HS3ST5: variants seen among roughly 807,000 people sequenced by gnomAD.
HS3ST5 encodes heparan sulfate-glucosamine 3-sulfotransferase 5.
A neutral mutation model predicts 25.4 loss-of-function variants in HS3ST5; 10 were observed. The observed-to-expected ratio is 0.39, with a 90% CI of 0.24 to 0.67. The LOEUF (loss-of-function observed/expected upper bound fraction) is 0.67, where lower values mean the gene tolerates loss of function less well. Among genes scored for constraint, HS3ST5 ranks in the 30% least tolerant of loss-of-function variants. The pLI, the probability that HS3ST5 is intolerant of heterozygous loss-of-function variation, is 0.44. For missense variants in HS3ST5, 324 were observed against 420.7 expected, an observed-to-expected ratio of 0.77 and a Z score of 2.01; for synonymous variants, 170 against 162.4, an observed-to-expected ratio of 1.05 and a Z score of -0.36.
intron 1 of HS3ST5, among the ~76,000 whole-genome samples, chr6:114,300,235 TAGGAGAAAATATTTACA>T (rs1277248820): frequency 1.3e-5 from 2 of 151,920 alleles, no homozygotes; most frequent in Non-Finnish European, 2.9e-5. Context: ...ACCCAGAGAA[TAGGAGAAAATATTTACA>T]AGCCATCTAT....
intron 3 of HS3ST5, among the ~76,000 whole-genome samples, chr6:114,068,871 G>T (rs945123594): frequency 1.3e-5 from 2 of 152,060 alleles, no homozygotes; most frequent in African/African-American, 4.8e-5. Context: ...AGTTTCTTCA[G>T]ACTCTTAAAG....
At chr6:114,091,265 G>C (rs1440888392) in intron 3 of HS3ST5, among the ~76,000 whole-genome samples, 1 of 152,174 alleles carries the variant, frequency 6.6e-6, no homozygotes, top group Admixed American at 6.5e-5. Flanking sequence ...TGTGGATCAA[G>C]TATTGAAGGA....
chr6:114,181,593 CT>C (rs1191182084), intron 2 of HS3ST5, among the ~76,000 whole-genome samples: 1 of 152,152 alleles, frequency 6.6e-6, no homozygotes, highest in African/African-American at 2.4e-5. Context: ...AAAATAACGC[CT>C]GTTACATGCT....
intron 1 of HS3ST5, among the ~76,000 whole-genome samples, chr6:114,247,195 C>A (rs190687131): frequency 1.3e-5 from 2 of 152,230 alleles, no homozygotes; most frequent in East Asian, 3.9e-4. Flanking sequence ...TGTTGTTAAT[C>A]TTGTTGCAAC....
chr6:114,075,042 CA>C (rs1294352759), intron 3 of HS3ST5, among the ~76,000 whole-genome samples: 1 of 152,172 alleles, frequency 6.6e-6, no homozygotes, highest in African/African-American at 2.4e-5. Flanking sequence ...TACCAGTCAT[CA>C]ACAAATAGTT....
intron 1 of HS3ST5, among the ~76,000 whole-genome samples, chr6:114,335,852 C>G (rs1562279617): frequency 6.6e-6 from 1 of 151,998 alleles, no homozygotes; most frequent in Non-Finnish European, 1.5e-5. Flanking sequence ...CAGGGTTTCA[C>G]CATGTTGGCC....
At chr6:114,175,394 T>C (rs1193534311) in intron 2 of HS3ST5, among the ~76,000 whole-genome samples, 1 of 152,226 alleles carries the variant, frequency 6.6e-6, no homozygotes, top group Non-Finnish European at 1.5e-5. Context: ...GATAACTAAA[T>C]TATGATTATG....
intron 2 of HS3ST5, among the ~76,000 whole-genome samples, chr6:114,181,690 A>G (rs1421687022): frequency 6.6e-6 from 1 of 152,238 alleles, no homozygotes; most frequent in Non-Finnish European, 1.5e-5. Flanking sequence ...ACCAGAGTAC[A>G]TGGTATCATG....
chr6:114,073,002 CA>C (rs1280590659), intron 3 of HS3ST5, among the ~76,000 whole-genome samples: 1 of 152,290 alleles, frequency 6.6e-6, no homozygotes, highest in Admixed American at 6.5e-5. Flanking sequence ...CATCTACAAC[CA>C]TCTGATCTTT....
In HS3ST5 at chr6:114,237,052, C is replaced by T. The variant is rs1018565787; in HGVS notation, c.-338-8274G>A. ...AGTCTACATATGCTAAAATGATTTG[C>T]GACATCTTCTTGACTTACATAAAAT... is the stretch of plus-strand genomic sequence containing the variant. On this transcript the variant is annotated intron_variant, in intron 1 of 4. Coordinates refer to ENST00000312719, the MANE Select transcript of HS3ST5 (RefSeq NM_153612.4). Among the ~76,000 whole-genome samples, 8 of 152,024 alleles carry T rather than the reference C, an allele frequency of 5.3e-5. No homozygotes were observed. The East Asian group carries it at 5.8e-4, about 11-fold the overall frequency.
chr6:114,189,354 G>C (rs1582697046), intron 2 of HS3ST5, among the ~76,000 whole-genome samples: 1 of 151,668 alleles, frequency 6.6e-6, no homozygotes, highest in Admixed American at 6.6e-5. Flanking sequence ...TAATAAATGT[G>C]GTCTATTTTT....
At chr6:114,066,694 C>T (rs1485961035) in intron 3 of HS3ST5, among the ~76,000 whole-genome samples, 1 of 152,112 alleles carries the variant, frequency 6.6e-6, no homozygotes, top group African/African-American at 2.4e-5. Flanking sequence ...TAAAGCTTAT[C>T]GTTTTCTACC....
intron 1 of HS3ST5, among the ~76,000 whole-genome samples, chr6:114,264,765 A>T (rs757529158): frequency 6.6e-6 from 1 of 152,188 alleles, no homozygotes; most frequent in Non-Finnish European, 1.5e-5. Flanking sequence ...GTGATCACCT[A>T]TGAGGAAAGT....
chr6:114,211,061 T>C (rs1229569364), intron 2 of HS3ST5, among the ~76,000 whole-genome samples: 1 of 152,218 alleles, frequency 6.6e-6, no homozygotes, highest in Non-Finnish European at 1.5e-5. Context: ...TGTACTATTT[T>C]AGGCATGGCT....
At chr6:114,306,262 C>CAA in intron 1 of HS3ST5, among the ~76,000 whole-genome samples, 1 of 117,668 alleles carries the variant, frequency 8.5e-6, no homozygotes, top group Non-Finnish European at 1.9e-5. Context: ...TATATACACA[C>CAA]ACACACACAC....
intron 3 of HS3ST5, among the ~76,000 whole-genome samples, chr6:114,074,874 C>T (rs1774027497): frequency 6.6e-6 from 1 of 152,144 alleles, no homozygotes. Context: ...GGCATGCTAA[C>T]ATTTTCTTAA....
intron 1 of HS3ST5, among the ~76,000 whole-genome samples, chr6:114,246,118 T>C (rs1178361713): frequency 6.6e-6 from 1 of 152,210 alleles, no homozygotes; most frequent in Non-Finnish European, 1.5e-5. Context: ...TACAGCACTC[T>C]ACACACATAA....
intron 3 of HS3ST5, among the ~76,000 whole-genome samples, chr6:114,118,603 T>A (rs1776642512): frequency 6.6e-6 from 1 of 152,190 alleles, no homozygotes; most frequent in Admixed American, 6.6e-5. Context: ...GTTTAAAACA[T>A]GGAAGTAAAT....
At chr6:114,177,178 C>A (rs1779759207) in intron 2 of HS3ST5, among the ~76,000 whole-genome samples, 1 of 152,138 alleles carries the variant, frequency 6.6e-6, no homozygotes, top group Admixed American at 6.6e-5. Context: ...AATAATCTTG[C>A]ATTTTTTTTA....
Sources: allele counts gnomAD v4.1 joint callset (sites outside exome capture counted in the v4.1 genomes callset), GRCh38; gene constraint gnomAD v4.1.1; transcripts MANE v1.5; gene names NCBI Gene and HGNC (gene_info 2026-07-23, HGNC 2026-07-21).